CPQ: variants seen among roughly 807,000 people sequenced by gnomAD.
CPQ encodes the protein carboxypeptidase Q.
Under a neutral mutation model 45.7 loss-of-function variants are expected in CPQ, and 37 were observed. The ratio of observed to expected loss-of-function variants is 0.81; its 90% CI spans 0.62 to 1.07. The LOEUF (loss-of-function observed/expected upper bound fraction) is 1.07, where lower values mean the gene tolerates loss of function less well. Among genes scored for constraint, CPQ ranks in the 50% least tolerant of loss-of-function variants. The probability of loss-of-function intolerance (pLI) is 0.00; values close to 1 mark genes in which losing one functional copy is unlikely to be tolerated. For synonymous variants in CPQ, 186 were observed against 205.8 expected (o/e 0.90, Z 0.82); for missense variants, 537 against 572.9 (o/e 0.94, Z 0.64).
chr8:96,772,606 G>C (rs1006259747), intron 1 of CPQ, among the ~76,000 whole-genome samples: 1 of 152,070 alleles, frequency 6.6e-6, no homozygotes, highest in African/African-American at 2.4e-5. Flanking sequence ...AAGGACAGAT[G>C]GGGGAAGGGA....
chr8:96,736,972 T>C (rs914633966), intron 1 of CPQ, among the ~76,000 whole-genome samples: 1 of 152,134 alleles, frequency 6.6e-6, no homozygotes, highest in Non-Finnish European at 1.5e-5. Flanking sequence ...TTTTGATTCA[T>C]AATATTATTT....
chr8:97,125,796 G>A (rs1026625789), intron 7 of CPQ, among the ~76,000 whole-genome samples: 17 of 152,142 alleles, frequency 1.1e-4, no homozygotes, highest in African/African-American at 3.4e-4. Context: ...TTCCTACTAC[G>A]ATGGGGAATA....
At chr8:97,022,371 AAG>A (rs1229259476) in intron 5 of CPQ, among the ~76,000 whole-genome samples, 1 of 152,226 alleles carries the variant, frequency 6.6e-6, no homozygotes, top group African/African-American at 2.4e-5. Context: ...AATAAAAACA[AAG>A]ATAAATACTG....
At chr8:96,646,331 T>C (rs1044206659) in intron 1 of CPQ, among the ~76,000 whole-genome samples, 1 of 152,200 alleles carries the variant, frequency 6.6e-6, no homozygotes, top group African/African-American at 2.4e-5. Flanking sequence ...ACTTCTACTT[T>C]GGACGTTTAA....
At chr8:96,813,860 C>T (rs1052240212) in intron 2 of CPQ, among the ~76,000 whole-genome samples, 2 of 152,066 alleles carry the variant, frequency 1.3e-5, no homozygotes, top group Non-Finnish European at 2.9e-5. Flanking sequence ...GACACCTGGG[C>T]AGGACAAGTT....
intron 7 of CPQ, among the ~76,000 whole-genome samples, chr8:97,099,115 C>CTCTT (rs1554589610): frequency 0.011 from 749 of 66,428 alleles, 10 homozygotes; most frequent in Admixed American, 0.029. Context: ...CCTTCTCTCT[C>CTCTT]TTTTTTTTTT....
chr8:96,974,078 A>G (rs1813730989), intron 5 of CPQ, among the ~76,000 whole-genome samples: 1 of 152,210 alleles, frequency 6.6e-6, no homozygotes, highest in African/African-American at 2.4e-5. Context: ...ACAGAATGAC[A>G]GAATGGATAA....
At chr8:96,965,164 T>C (rs1813533786) in intron 4 of CPQ, among the ~76,000 whole-genome samples, 2 of 152,122 alleles carry the variant, frequency 1.3e-5, no homozygotes, top group Non-Finnish European at 2.9e-5. Flanking sequence ...TCAACATCAA[T>C]CTATAATGCA....
At chr8:97,021,369 C>T (rs1243514583) in intron 5 of CPQ, among the ~76,000 whole-genome samples, 1 of 152,120 alleles carries the variant, frequency 6.6e-6, no homozygotes, top group African/African-American at 2.4e-5. Flanking sequence ...GAAGTCCTAG[C>T]CAGAGCAGTC....
intron 4 of CPQ, among the ~76,000 whole-genome samples, chr8:96,885,699 A>G (rs1178235448): frequency 1.3e-5 from 2 of 152,222 alleles, no homozygotes; most frequent in Non-Finnish European, 2.9e-5. Flanking sequence ...CACAGGCTTT[A>G]AAAAGATGCC....
chr8:97,080,773 C>G (rs766790274), intron 7 of CPQ, among the ~76,000 whole-genome samples: 7 of 151,874 alleles, frequency 4.6e-5, no homozygotes, highest in Non-Finnish European at 1.0e-4. Context: ...TAATTCTTTC[C>G]AGTTCATAAT....
At chr8:96,988,806 A>G (rs1422266749) in intron 5 of CPQ, among the ~76,000 whole-genome samples, 1 of 152,236 alleles carries the variant, frequency 6.6e-6, no homozygotes, top group Admixed American at 6.5e-5. Context: ...AGGGTGCTGC[A>G]TAGTAGCAAT....
chr8:96,801,398 G>A (rs1210524106), intron 2 of CPQ, among the ~76,000 whole-genome samples: 1 of 152,092 alleles, frequency 6.6e-6, no homozygotes, highest in Non-Finnish European at 1.5e-5. Context: ...CTCTTTCAAT[G>A]CTTATCCAGT....
intron 7 of CPQ, among the ~76,000 whole-genome samples, chr8:97,109,814 G>A (rs1203508542): frequency 6.6e-6 from 1 of 151,758 alleles, no homozygotes; most frequent in Non-Finnish European, 1.5e-5. Flanking sequence ...TTCCCCACAT[G>A]ACTCGTCCTC....
chr8:96,918,979 C>T (rs118039374), intron 4 of CPQ, among the ~76,000 whole-genome samples: 1 of 152,192 alleles, frequency 6.6e-6, no homozygotes, highest in East Asian at 1.9e-4. Flanking sequence ...AGGTTCTTCG[C>T]AGTAATGCAT....
At chr8:96,920,927 G>A (rs557352152) in intron 4 of CPQ, among the ~76,000 whole-genome samples, 1 of 152,274 alleles carries the variant, frequency 6.6e-6, no homozygotes, top group Non-Finnish European at 1.5e-5. Context: ...GTGGGATTTT[G>A]TTACAGCAGC....
intron 7 of CPQ, among the ~76,000 whole-genome samples, chr8:97,103,699 G>A (rs1811354611): frequency 6.6e-6 from 1 of 152,186 alleles, no homozygotes; most frequent in Admixed American, 6.5e-5. Flanking sequence ...AAGATGGATG[G>A]AAAGTGAGGA....
chr8:96,671,978 T>G (rs143551956), intron 1 of CPQ, among the ~76,000 whole-genome samples: 132 of 152,276 alleles, frequency 8.7e-4, no homozygotes, highest in African/African-American at 3.1e-3. Context: ...GCAGGTCTTG[T>G]GATTTAGAGG....
intron 1 of CPQ, among the ~76,000 whole-genome samples, chr8:96,762,997 G>A (rs1183873391): frequency 6.6e-6 from 1 of 152,084 alleles, no homozygotes; most frequent in Non-Finnish European, 1.5e-5. Flanking sequence ...CTGAGATCTA[G>A]GTGTAAGCAG....
Sources: gnomAD v4.1 joint callset for allele counts (sites outside exome capture counted in the v4.1 genomes callset) on GRCh38, gnomAD v4.1.1 for gene constraint, MANE v1.5 for transcripts, NCBI Gene and HGNC (gene_info 2026-07-23, HGNC 2026-07-21) for gene names.